The following WDR88 variants were observed in gnomAD, a reference collection of about 807,000 sequenced individuals.
The protein encoded by WDR88 is WD repeat domain 88, also known as WD repeat-containing protein 88.
A neutral mutation model predicts 46.8 loss-of-function variants in WDR88; 40 were observed. The observed-to-expected ratio is 0.86, with a 90% confidence interval of 0.66 to 1.11. The LOEUF (loss-of-function observed/expected upper bound fraction) is 1.11. Ranked by LOEUF, WDR88 falls within the 50% of genes most tolerant of loss-of-function variation. WDR88 has a pLI of 0.00. For missense variants in WDR88, 562 were observed against 602.4 expected (o/e 0.93, Z 0.70); for synonymous variants, 235 against 240.7 (o/e 0.98, Z 0.22).
Position 33,148,783 on chromosome 19 carries a change from G to A in WDR88, c.552G>A (p.Arg184=). ...CTGGCTCATTTCAGTGGAAGGTCAG[G>A]TATGATACCTTCATCGTCTCCTGTA... The part of the protein sequence containing the change: ...LETGKLLWKV[R]YDTFIVSCKF... Residue 184 remains arginine, a synonymous_variant, in exon 5 of 11, where the codon AGG becomes AGA. Transcript: ENST00000355868. 2 of 1,614,144 alleles carry A rather than the reference G, an allele frequency of 1.2e-6. No homozygotes were observed. The highest frequency in any genetic ancestry group is 1.7e-6 in the Non-Finnish European group (2 of 1,180,024).
At chr19:33,142,660 A>T (rs1275189122) in intron 2 of WDR88, 1 of 151,586 alleles carries the variant, frequency 6.6e-6, no homozygotes, top group East Asian at 1.9e-4. Context: ...TGGAGACAAG[A>T]GCCCTTTGGC....
chr19:33,146,153 C>T (rs994410155), intron 3 of WDR88, among the ~76,000 whole-genome samples: 3 of 152,044 alleles, frequency 2.0e-5, no homozygotes, highest in South Asian at 2.1e-4. Flanking sequence ...CAAAATTAGT[C>T]GGGCGTAGTG....
intron 8 of WDR88, among the ~76,000 whole-genome samples, chr19:33,162,210 T>A (rs941328891): frequency 3.3e-5 from 5 of 151,752 alleles, no homozygotes; most frequent in Non-Finnish European, 7.4e-5. Flanking sequence ...TTTTGTTTGT[T>A]TTTTTTTGAG....
chr19:33,162,379 TA>T (rs559105051), intron 8 of WDR88, among the ~76,000 whole-genome samples: 151 of 148,568 alleles, frequency 1.0e-3, no homozygotes, highest in Middle Eastern at 6.8e-3. Flanking sequence ...TTTTTTTTTT[TA>T]AATTTTTATT....
Position 33,174,453 on chromosome 19 carries a change from C to T in WDR88, c.1243-943C>T, listed in dbSNP as rs530949896. 2.4e-3 allele frequency: 2,368 copies of T among 985,436 alleles called. 5 individuals carry two copies. Among genetic ancestry groups the T allele is most frequent in the Non-Finnish European group, 2.7e-3 (2,200 of 829,926 alleles). 61.0% of individuals were successfully genotyped at this position (985,436 alleles called of 1,614,324 possible). A position where few individuals can be genotyped will look rare whatever the true frequency, so the allele number is the denominator to read the frequency against. ...TGGGAACCCCTGAGGGGCCTCTGCCCATGGCCTAGGAGACCTCATCCCATG... is the reference window on the plus strand; with the variant it reads ...TGGGAACCCCTGAGGGGCCTCTGCCTATGGCCTAGGAGACCTCATCCCATG... On this transcript the variant is annotated intron_variant, in intron 10 of 10. Coordinates refer to ENST00000355868, the MANE Select transcript of WDR88 (RefSeq NM_173479.4).
At chr19:33,173,118 AAGAG>A (rs1268813114) in intron 10 of WDR88, among the ~76,000 whole-genome samples, 6 of 148,172 alleles carry the variant, frequency 4.0e-5, no homozygotes, top group Admixed American at 2.7e-4. Flanking sequence ...AAAAAAAAAA[AAGAG>A]AAGAAAGAAC....
chr19:33,172,363 C>T lies in WDR88; in HGVS notation c.1165C>T (p.Leu389=). 6.2e-7 allele frequency: 1 copy of T among 1,613,872 alleles called. No homozygotes were observed. The highest frequency in any genetic ancestry group is 1.1e-5 in the South Asian group (1 of 91,074). The part of the protein sequence containing the change: ...LSASKDRTMR[L]WNIEEIDEIP... ...TTTGTTTTAGGATAGGACCATGAGA[C>T]TGTGGAATATTGAAGAAATTGATGA... The change falls in exon 10 of 11, where the codon CTG becomes TTG. Residue 389 remains leucine (L), a synonymous_variant. Coordinates refer to ENST00000355868, the MANE Select transcript of WDR88 (RefSeq NM_173479.4).
At chr19:33,173,851 T>A (rs1206326981) in intron 10 of WDR88, among the ~76,000 whole-genome samples, 1 of 152,196 alleles carries the variant, frequency 6.6e-6, no homozygotes, top group Non-Finnish European at 1.5e-5. Flanking sequence ...TTTCCTTTTT[T>A]CTTTTTATTT....
In WDR88 at chr19:33,151,960, G is replaced by C. The variant is rs186068410; in HGVS notation, c.809+650G>C. 2.1e-3 allele frequency among the ~76,000 whole-genome samples: 321 copies of C among 151,860 alleles called. 2 individuals are homozygous for C. Among genetic ancestry groups the C allele is most frequent in the African/African-American group, 7.5e-3 (312 of 41,434 alleles). Reference sequence around the variant, plus strand: ...TTAAAAAAATTTTGGGGCTGGGCTCGGTGGCTCATGCCTGTAATCCCAGCA... The same window carrying C: ...TTAAAAAAATTTTGGGGCTGGGCTCCGTGGCTCATGCCTGTAATCCCAGCA... On this transcript the variant is annotated intron_variant, in intron 6 of 10. Transcript: ENST00000355868.
Position 33,156,548 on chromosome 19 carries a change from T to G in WDR88, c.997+6T>G, listed in dbSNP as rs758883099. ...CTGTCACTTTGCCAGAGACAGTGAG[T>G]AATTAACATGCAGAAGGCCTCCATT... On this transcript the variant is annotated splice_donor_region_variant and intron_variant, in intron 7 of 10. Transcript: ENST00000355868. The G allele has an allele frequency of 5.6e-6, 9 of 1,609,872 alleles. No individual in the cohort carries two copies. In the South Asian group the frequency reaches 9.9e-5, roughly 18 times the overall value.
At chr19:33,153,354 T>TG (rs1973673019) in intron 6 of WDR88, among the ~76,000 whole-genome samples, 1 of 151,196 alleles carries the variant, frequency 6.6e-6, no homozygotes, top group South Asian at 2.1e-4. Flanking sequence ...TGTGAGCCAC[T>TG]GCACCTGGCC....
At position 33,132,369 on chromosome 19, in the gene WDR88, C is replaced by T. The variant is rs1973144664; in HGVS notation, c.200C>T (p.Pro67Leu). 6.2e-7 allele frequency: 1 copy of T among 1,614,190 alleles called. No homozygotes were observed. The highest frequency in any genetic ancestry group is 1.7e-5 in the Admixed American group (1 of 60,022). The change falls in exon 1 of 11, where the codon CCA (proline) becomes CTA (leucine). Residue 67 changes from proline to leucine, a missense_variant. By Grantham distance (98) the Pro-to-Leu change is moderately conservative. Transcript: ENST00000355868. ...GACCCCCTGGCCTTGGACAGGGAAC[C>T]ACCACCGCATCTGTTGCCTGAGAAG... ...TLDPLALDRE[P>L]PPHLLPEKHQ...
At chr19:33,146,455 C>T (rs1359665095) in intron 3 of WDR88, among the ~76,000 whole-genome samples, 5 of 68,602 alleles carry the variant, frequency 7.3e-5, no homozygotes, top group Non-Finnish European at 1.0e-4. Flanking sequence ...TTCCTTCCTT[C>T]CTTCCTTCTT....
chr19:33,138,668 CTTTCT>C (rs146324703), intron 2 of WDR88, among the ~76,000 whole-genome samples: 45,686 of 134,060 alleles, frequency 0.34, 8,689 homozygotes, highest in African/African-American at 0.52. Flanking sequence ...TTTTTTTTTC[CTTTCT>C]TTTCTTTTCT....
intron 8 of WDR88, among the ~76,000 whole-genome samples, chr19:33,162,740 C>T (rs1973890245): frequency 6.6e-6 from 1 of 152,064 alleles, no homozygotes; most frequent in Non-Finnish European, 1.5e-5. Context: ...AAAAACCATA[C>T]ACAGTGGCAC....
chr19:33,144,156 G>A (rs1473222786), intron 2 of WDR88, among the ~76,000 whole-genome samples: 1 of 152,084 alleles, frequency 6.6e-6, no homozygotes, highest in Admixed American at 6.6e-5. Context: ...GCCCCGGCCC[G>A]CCCAGAGTGC....
chr19:33,156,591 CAGA>C, intron 7 of WDR88, 49 bp downstream of exon 7: 2 of 1,570,482 alleles, frequency 1.3e-6, no homozygotes, highest in Non-Finnish European at 1.7e-6. Flanking sequence ...GAGTGCTGGG[CAGA>C]GTTCTCCATG....
intron 2 of WDR88, among the ~76,000 whole-genome samples, chr19:33,138,353 T>TTTTG (rs201572367): frequency 2.0e-5 from 3 of 150,730 alleles, no homozygotes; most frequent in Non-Finnish European, 4.4e-5. Flanking sequence ...CGACTGGCCC[T>TTTTG]TTTGTTTGTT....
intron 1 of WDR88, among the ~76,000 whole-genome samples, chr19:33,133,847 G>A (rs138977112): frequency 3.3e-5 from 5 of 152,166 alleles, no homozygotes; most frequent in African/African-American, 4.8e-5. Context: ...CTGACCGCCC[G>A]TCTAAAGTAG....
Sources: gnomAD v4.1 joint callset for allele counts (sites outside exome capture counted in the v4.1 genomes callset) on GRCh38, gnomAD v4.1.1 for gene constraint, MANE v1.5 for transcripts, NCBI Gene and HGNC (gene_info 2026-07-23, HGNC 2026-07-21) for gene names.